The following DLG1 variants were observed in gnomAD, a reference collection of about 807,000 sequenced individuals.
DLG1 encodes disks large homolog 1.
DLG1 carries 42 observed loss-of-function variants against 123.4 expected under a neutral mutation model. That is an observed-to-expected ratio of 0.34 (90% confidence interval 0.27 to 0.44). The LOEUF (loss-of-function observed/expected upper bound fraction) is 0.44. Ranked by LOEUF, DLG1 falls within the 20% of genes least tolerant of loss-of-function variation. DLG1 has a pLI of 1.00. For missense variants in DLG1, 942 were observed against 1,082.6 expected, an observed-to-expected ratio of 0.87 and a Z score of 1.82; for synonymous variants, 317 against 356.2, an observed-to-expected ratio of 0.89 and a Z score of 1.24.
Position 197,129,105 on chromosome 3 carries a change from A to T in DLG1, c.1165+1422T>A, listed in dbSNP as rs138848778. Among the ~76,000 whole-genome samples the T allele has an allele frequency of 6.2e-4, 95 of 152,340 alleles. 1 individual carries two copies. The highest frequency in any genetic ancestry group is 5.6e-3 in the East Asian group (29 of 5,186). The stretch of plus-strand genomic sequence containing the variant: ...AGTCAGCTTGTACTTTGAAGCTTTG[A>T]AGTCAGGCACTGACTTATCCTCTCT... On this transcript the variant is annotated intron_variant, in intron 11 of 24. Transcript: ENST00000667157.
intron 5 of DLG1, among the ~76,000 whole-genome samples, chr3:197,191,970 G>A (rs1434078623): frequency 6.6e-6 from 1 of 152,056 alleles, no homozygotes; most frequent in Non-Finnish European, 1.5e-5. Flanking sequence ...GAGGCCAGGA[G>A]TTCAAAACAA....
intron 4 of DLG1, among the ~76,000 whole-genome samples, chr3:197,281,328 C>T (rs142277742): frequency 2.9e-3 from 434 of 152,162 alleles, no homozygotes; most frequent in Non-Finnish European, 4.7e-3. Context: ...CATGAGCCAC[C>T]GTGCCCAAGC....
chr3:197,207,342 C>T (rs550800679), intron 4 of DLG1, among the ~76,000 whole-genome samples: 65 of 152,090 alleles, frequency 4.3e-4, no homozygotes, highest in Non-Finnish European at 7.9e-4. Context: ...GGAATAAAAC[C>T]AAAGTATCCA....
intron 5 of DLG1, among the ~76,000 whole-genome samples, chr3:197,158,690 A>G (rs1797529575): frequency 9.2e-5 from 1 of 10,888 alleles, no homozygotes; most frequent in Admixed American, 8.0e-4. Context: ...TGCTCTGGAC[A>G]TACCTCTAAG....
At chr3:197,190,162 T>C (rs1470034130) in intron 5 of DLG1, among the ~76,000 whole-genome samples, 1 of 152,210 alleles carries the variant, frequency 6.6e-6, no homozygotes, top group East Asian at 1.9e-4. Flanking sequence ...TCTTAAAGTA[T>C]GAATGCTTTC....
At chr3:197,050,423 A>AATAT (rs71623330) in intron 24 of DLG1, among the ~76,000 whole-genome samples, 13 of 151,064 alleles carry the variant, frequency 8.6e-5, no homozygotes, top group African/African-American at 2.7e-4. Flanking sequence ...AACAACAACA[A>AATAT]ATATATATAT....
rs866444746 is a variant in DLG1, at chr3:197,125,516, T to C, written c.1165+5011A>G. On this transcript the variant is annotated intron_variant, in intron 11 of 24. Coordinates refer to ENST00000667157, the MANE Select transcript of DLG1 (RefSeq NM_001366207.1). ...AAAATTGAGACAAGGGGCAACAAAA[T>C]AATAATGTCAAATGACTGAAGGTCA... Among the ~76,000 whole-genome samples the C allele has an allele frequency of 1.3e-5, 2 of 152,138 alleles. 1 individual carries two copies. The highest frequency in any genetic ancestry group is 4.2e-4 in the South Asian group (2 of 4,814).
intron 4 of DLG1, among the ~76,000 whole-genome samples, chr3:197,196,435 A>T (rs938828922): frequency 6.6e-6 from 1 of 152,212 alleles, no homozygotes; most frequent in Non-Finnish European, 1.5e-5. Context: ...TGACGTTAAC[A>T]TAAACATAGA....
chr3:197,136,239 A>T (rs1045801415), intron 10 of DLG1: 14 of 219,350 alleles, frequency 6.4e-5, no homozygotes, highest in Middle Eastern at 1.6e-3. Flanking sequence ...AAAAAGGGTC[A>T]TGCATAAACA....
At chr3:197,260,750 C>CAAAAAAAA (rs570596943) in intron 4 of DLG1, among the ~76,000 whole-genome samples, 8 of 18,318 alleles carry the variant, frequency 4.4e-4, no homozygotes, top group Non-Finnish European at 4.6e-4. Context: ...TGACAACCAC[C>CAAAAAAAA]AAAAAAAAAA....
chr3:197,088,898 T>C (rs549597993), intron 15 of DLG1, among the ~76,000 whole-genome samples: 3 of 152,358 alleles, frequency 2.0e-5, no homozygotes, highest in African/African-American at 7.2e-5. Context: ...ATGACAGCTA[T>C]TGCATAGTCA....
rs199502341 is a variant in DLG1 at position 197,226,744 on chromosome 3, T to TTC, written c.319-32156_319-32155insGA. 9.9e-3 allele frequency among the ~76,000 whole-genome samples: 1,513 copies of TTC among 152,354 alleles called. 19 individuals are homozygous for TTC. Among genetic ancestry groups the TTC allele is most frequent in the South Asian group, 0.024 (115 of 4,824 alleles). ...AAACATTACTGAACCAATTTTGATG[T>TTC]ATATCTATACCATATGGAAAGTTTA... is the stretch of plus-strand genomic sequence containing the variant. On this transcript the variant is annotated intron_variant, in intron 4 of 24. Coordinates refer to ENST00000667157, the MANE Select transcript of DLG1 (RefSeq NM_001366207.1).
At chr3:197,180,462 C>T (rs1402256266) in intron 5 of DLG1, among the ~76,000 whole-genome samples, 3 of 152,246 alleles carry the variant, frequency 2.0e-5, no homozygotes, top group African/African-American at 7.2e-5. Context: ...AGAACTTTTT[C>T]TATACTAATC....
chr3:197,068,397 TTAAG>T (rs1281052306), intron 19 of DLG1: 37 of 763,804 alleles, frequency 4.8e-5, no homozygotes, highest in African/African-American at 1.3e-4. Flanking sequence ...AAAAAAATCA[TTAAG>T]TAACTATTGT....
intron 4 of DLG1, among the ~76,000 whole-genome samples, chr3:197,263,857 T>C (rs796659842): frequency 5.9e-5 from 9 of 152,306 alleles, no homozygotes; most frequent in African/African-American, 1.9e-4. Flanking sequence ...TCTTGGGGGA[T>C]AGCAGGGTGA....
intron 5 of DLG1, among the ~76,000 whole-genome samples, chr3:197,164,974 A>G (rs981815227): frequency 2.6e-4 from 40 of 152,120 alleles, no homozygotes; most frequent in Non-Finnish European, 1.5e-5. Context: ...TCATACAGAA[A>G]TTTAAAATTA....
chr3:197,287,365 C>T (rs940826698), intron 3 of DLG1, among the ~76,000 whole-genome samples: 31 of 152,058 alleles, frequency 2.0e-4, no homozygotes, highest in African/African-American at 7.5e-4. Context: ...ATGTTAAAGT[C>T]TTGAAAGAAT....
chr3:197,104,773 G>T, intron 14 of DLG1, 130 bp downstream of exon 14: 1 of 671,258 alleles, frequency 1.5e-6, no homozygotes, highest in Non-Finnish European at 2.6e-6. Context: ...ACAAATACTG[G>T]ATTAGCAAAT....
rs757923480 is a variant in DLG1, at chr3:197,211,299, AG to A, written c.319-16711del. On this transcript the variant is annotated intron_variant, in intron 4 of 24. Transcript: ENST00000667157. ...CCTCTCCAACTCATTCTATGAGGCC[AG>A]CATCATCCTGATACCAAAACCTGGC... 3.4e-5 allele frequency among the ~76,000 whole-genome samples: 5 copies of A among 146,688 alleles called. No homozygotes were observed. In the East Asian group the frequency reaches 9.8e-4, roughly 29 times the overall value.
Sources: allele counts gnomAD v4.1 joint callset (sites outside exome capture counted in the v4.1 genomes callset), GRCh38; gene constraint gnomAD v4.1.1; transcripts MANE v1.5; gene names NCBI Gene and HGNC (gene_info 2026-07-23, HGNC 2026-07-21).